PACS1: variants seen among roughly 807,000 people sequenced by gnomAD.
PACS1 encodes the protein phosphofurin acidic cluster sorting protein 1.
In PACS1, 24 loss-of-function variants were observed where a neutral mutation model predicts 115.0. That is an observed-to-expected ratio of 0.21 (90% CI 0.15 to 0.29). PACS1 has a LOEUF of 0.29. Ranked by LOEUF, PACS1 falls within the 10% of genes least tolerant of loss-of-function variation. The probability of loss-of-function intolerance (pLI) is 1.00; values close to 1 mark genes in which losing one functional copy is unlikely to be tolerated. For missense variants in PACS1, 838 were observed against 1,251.2 expected (o/e 0.67, Z 4.98); for synonymous variants, 453 against 504.5 (o/e 0.90, Z 1.37).
At chr11:66,092,521 GT>G (rs1323639837) in intron 1 of PACS1, among the ~76,000 whole-genome samples, 1 of 151,906 alleles carries the variant, frequency 6.6e-6, no homozygotes, top group African/African-American at 2.4e-5. Flanking sequence ...AAGCTCTTGA[GT>G]TTAATTAGAT....
At chr11:66,132,086 C>A (rs1858718766) in intron 1 of PACS1, among the ~76,000 whole-genome samples, 1 of 152,050 alleles carries the variant, frequency 6.6e-6, no homozygotes, top group African/African-American at 2.4e-5. Flanking sequence ...GCTGTGTGTC[C>A]CCACTCAAAT....
At position 66,230,561 on chromosome 11, in the gene PACS1, A is replaced by G. The variant is rs1855569120; in HGVS notation, c.1388A>G (p.Gln463Arg). ...CCTCCATGGTAGGAAATCACTGACCAGGACATGTTTGGAGATGCCAGCACG... is the reference window on the plus strand; with the variant it reads ...CCTCCATGGTAGGAAATCACTGACCGGGACATGTTTGGAGATGCCAGCACG... The part of the protein sequence containing the change: ...TETDTLEITD[Q>R]DMFGDASTSL... The change falls in exon 12 of 24, where the codon CAG becomes CGG. Residue 463 changes from glutamine to arginine, a missense_variant. Gln to Arg is a conservative substitution (Grantham distance 43). Transcript: ENST00000320580. 1 of 1,613,734 alleles carries G rather than the reference A, an allele frequency of 6.2e-7. No homozygotes were observed. The highest frequency in any genetic ancestry group is 1.3e-5 in the African/African-American group (1 of 74,932).
intron 2 of PACS1, among the ~76,000 whole-genome samples, chr11:66,205,067 C>T (rs1428316043): frequency 2.0e-5 from 3 of 152,134 alleles, no homozygotes; most frequent in African/African-American, 7.2e-5. Context: ...TCACTGCAAC[C>T]TCCACCTCCC....
chr11:66,129,371 G>A (rs1858651301), intron 1 of PACS1, among the ~76,000 whole-genome samples: 1 of 151,372 alleles, frequency 6.6e-6, no homozygotes, highest in Non-Finnish European at 1.5e-5. Context: ...GGTGGAGGTG[G>A]CAGTGAGCTG....
chr11:66,184,261 C>T (rs1419064105), intron 1 of PACS1, among the ~76,000 whole-genome samples: 3 of 145,088 alleles, frequency 2.1e-5, no homozygotes, highest in Admixed American at 7.2e-5. Context: ...TGCGGTGAGC[C>T]GAGATCGCAC....
intron 1 of PACS1, among the ~76,000 whole-genome samples, chr11:66,146,743 TTGAC>T (rs1859132907): frequency 6.6e-6 from 1 of 152,174 alleles, no homozygotes; most frequent in South Asian, 2.1e-4. Flanking sequence ...GGTCAAATAA[TTGAC>T]AGGCAAAGAC....
At chr11:66,082,956 T>C (rs1857513110) in intron 1 of PACS1, among the ~76,000 whole-genome samples, 2 of 152,338 alleles carry the variant, frequency 1.3e-5, no homozygotes, top group Non-Finnish European at 1.5e-5. Context: ...GATGGTATAA[T>C]ATTTATACTG....
chr11:66,086,791 T>G (rs552328404), intron 1 of PACS1, among the ~76,000 whole-genome samples: 2 of 152,012 alleles, frequency 1.3e-5, no homozygotes, highest in African/African-American at 4.8e-5. Context: ...AGTGTTTTAA[T>G]TTTTTTGTAG....
rs575034703 is a variant in PACS1, at chr11:66,236,572, G to A, written c.2250+632G>A. Among the ~76,000 whole-genome samples the A allele has an allele frequency of 1.3e-4, 20 of 152,170 alleles. No homozygotes were observed. Among genetic ancestry groups the A allele is most frequent in the Non-Finnish European group, 2.8e-4 (19 of 68,034 alleles). Reference sequence around the variant, plus strand: ...GGAAGAACCCCGTGGATGTCTCATGGCAGGTGCATTGCCGGCTGTCTGTTC... The same window carrying A: ...GGAAGAACCCCGTGGATGTCTCATGACAGGTGCATTGCCGGCTGTCTGTTC... On this transcript the variant is annotated intron_variant, in intron 19 of 23. Transcript: ENST00000320580. The surrounding 1 kb of genome is among the most constrained non-coding windows in gnomAD (Gnocchi z 4.2).
intron 10 of PACS1, among the ~76,000 whole-genome samples, chr11:66,222,023 G>A (rs948913698): frequency 1.3e-5 from 2 of 152,230 alleles, no homozygotes; most frequent in African/African-American, 2.4e-5. Flanking sequence ...GGCTGAGGCA[G>A]GAGGATCCCT....
chr11:66,151,394 A>G (rs1859235436), intron 1 of PACS1, among the ~76,000 whole-genome samples: 2 of 152,176 alleles, frequency 1.3e-5, no homozygotes. Context: ...TTAGGAGGAA[A>G]TCACAAGAAC....
At chr11:66,208,113 G>A (rs914521693) in intron 2 of PACS1, among the ~76,000 whole-genome samples, 1 of 152,074 alleles carries the variant, frequency 6.6e-6, no homozygotes, top group Non-Finnish European at 1.5e-5. Context: ...TTACCCATAG[G>A]CAGCATCGCT....
At chr11:66,145,439 A>G (rs1310895370) in intron 1 of PACS1, among the ~76,000 whole-genome samples, 2 of 152,188 alleles carry the variant, frequency 1.3e-5, no homozygotes, top group Non-Finnish European at 2.9e-5. Flanking sequence ...AGGAAGGCCA[A>G]CAGTTCTGGT....
chr11:66,211,280 A>C, intron 4 of PACS1, 21 bp downstream of exon 4: 1 of 1,612,494 alleles, frequency 6.2e-7, no homozygotes, highest in Non-Finnish European at 8.5e-7. Flanking sequence ...CACAGTCTCC[A>C]GACTGTTGGC....
chr11:66,085,187 T>C (rs1439301827), intron 1 of PACS1, among the ~76,000 whole-genome samples: 1 of 152,242 alleles, frequency 6.6e-6, no homozygotes, highest in Non-Finnish European at 1.5e-5. Flanking sequence ...TCTTTTCTAA[T>C]GTAACTGTAA....
At chr11:66,223,012 C>T (rs967876010) in intron 10 of PACS1, among the ~76,000 whole-genome samples, 1 of 138,680 alleles carries the variant, frequency 7.2e-6, no homozygotes, top group Non-Finnish European at 1.5e-5. Flanking sequence ...CCGTTCCAGG[C>T]CGGGTTCATG....
intron 1 of PACS1, among the ~76,000 whole-genome samples, chr11:66,119,533 G>C (rs1053319981): frequency 2.6e-5 from 4 of 152,210 alleles, no homozygotes; most frequent in African/African-American, 9.7e-5. Flanking sequence ...CAAAAGGAAT[G>C]CATGAAATCC....
intron 19 of PACS1, chr11:66,238,164 A>AC (rs34813426): frequency 1.0e-5 from 10 of 983,310 alleles, no homozygotes; most frequent in Admixed American, 1.2e-4. Context: ...TTCCTAAAGA[A>AC]CCCCCCCACC....
At chr11:66,129,578 G>A (rs1245542863) in intron 1 of PACS1, among the ~76,000 whole-genome samples, 1 of 151,720 alleles carries the variant, frequency 6.6e-6, no homozygotes, top group African/African-American at 2.4e-5. Flanking sequence ...CAAAGTGTTG[G>A]GATAATGGTG....
Sources: allele counts gnomAD v4.1 joint callset (sites outside exome capture counted in the v4.1 genomes callset), GRCh38; gene constraint gnomAD v4.1.1; non-coding constraint Gnocchi (gnomAD v3.1); transcripts MANE v1.5; gene names NCBI Gene and HGNC (gene_info 2026-07-23, HGNC 2026-07-21).